The following PPIF variants were observed in gnomAD, a reference collection of about 807,000 sequenced individuals.
PPIF encodes the protein peptidylprolyl isomerase F.
PPIF carries 23 observed loss-of-function variants against 20.2 expected under a neutral mutation model. That is an observed-to-expected ratio of 1.14 (90% CI 0.82 to 1.61). PPIF has a LOEUF of 1.61. Ranked by LOEUF, PPIF falls within the 40% of genes most tolerant of loss-of-function variation. The probability of loss-of-function intolerance (pLI) is 0.00; values close to 1 mark genes in which losing one functional copy is unlikely to be tolerated. For synonymous variants in PPIF, 113 were observed against 123.1 expected (o/e 0.92, Z 0.54); for missense variants, 287 against 291.6 (o/e 0.98, Z 0.11).
In PPIF at chr10:79,351,576, G is replaced by A; in HGVS notation, c.405G>A (p.Val135=). The part of the protein sequence containing the change: ...FPDENFTLKH[V]GPGVLSMANA... ...ACGAGAACTTTACACTGAAGCACGT[G>A]GGGCCAGGTGAGTGGGGGCCTCCTC... Residue 135 remains valine, a synonymous_variant, in exon 4 of 6, where the codon GTG becomes GTA. Coordinates refer to ENST00000225174, the MANE Select transcript of PPIF (RefSeq NM_005729.4). 5 of 1,613,950 alleles carry A rather than the reference G, an allele frequency of 3.1e-6. No individual in the cohort carries two copies. Among genetic ancestry groups the A allele is most frequent in the Non-Finnish European group, 4.2e-6 (5 of 1,179,816 alleles).
rs769878670 is a variant in PPIF, at chr10:79,347,689, C to T, written c.141C>T (p.Leu47=). Residue 47 remains leucine (L), a synonymous_variant, in exon 1 of 6, where the codon CTC becomes CTT. Coordinates refer to ENST00000225174, the MANE Select transcript of PPIF (RefSeq NM_005729.4). ...PSSSSSSGNP[L]VYLDVDANGK... The stretch of plus-strand genomic sequence containing the variant: ...CTTCCTCCTCCTCCGGGAACCCGCT[C>T]GTGTACCTGGACGTGGACGCCAACG... 7 of 1,483,606 alleles carry T rather than the reference C, an allele frequency of 4.7e-6. No individual in the cohort carries two copies. The highest frequency in any genetic ancestry group is 6.3e-6 in the Non-Finnish European group (7 of 1,113,552). 91.9% of individuals were successfully genotyped at this position (1,483,606 alleles called of 1,614,324 possible).
chr10:79,351,535 G>A lies in PPIF; in HGVS notation c.364G>A (p.Gly122Arg), dbSNP rs771871615. 49 of 1,614,082 alleles carry A rather than the reference G, an allele frequency of 3.0e-5. No individual in the cohort carries two copies. Among genetic ancestry groups the A allele is most frequent in the Non-Finnish European group, 3.7e-5 (44 of 1,179,992 alleles). The change falls in exon 4 of 6, where the codon GGA becomes AGA. Residue 122 changes from glycine (G) to arginine (R), a missense_variant. Physicochemically the swap from Gly to Arg is moderately radical, Grantham distance 125. Coordinates refer to ENST00000225174, the MANE Select transcript of PPIF (RefSeq NM_005729.4). ...TGGCACAGGCGGGAAGTCCATCTACGGAAGCCGCTTTCCTGACGAGAACTT... is the reference window on the plus strand; with the variant it reads ...TGGCACAGGCGGGAAGTCCATCTACAGAAGCCGCTTTCCTGACGAGAACTT... ...HNGTGGKSIY[G>R]SRFPDENFTL...
chr10:79,348,980 C>T (rs940904622), intron 1 of PPIF, 96 bp from the exon 2 acceptor site: 8 of 1,611,712 alleles, frequency 5.0e-6, no homozygotes, highest in Non-Finnish European at 5.9e-6. Flanking sequence ...CCTTAGCCTC[C>T]TTGGCCACTG....
intron 4 of PPIF, 55 bp from the exon 5 acceptor site, chr10:79,352,262 C>T: frequency 6.5e-7 from 1 of 1,529,984 alleles, no homozygotes. Flanking sequence ...TTCAAATGCC[C>T]TCCCAGGCAG....
chr10:79,354,680 CACCTTAAATGTGAAA>C lies in PPIF; in HGVS notation c.*840_*854del, dbSNP rs1856026411. The stretch of plus-strand genomic sequence containing the variant: ...CATTTCTGGAACATGGATTTGTGTT[CACCTTAAATGTGAAA>C]ATAAATCCTATTTTCTATGGAAGAC... On this transcript the variant is annotated 3_prime_UTR_variant, in exon 6 of 6. Coordinates refer to ENST00000225174, the MANE Select transcript of PPIF (RefSeq NM_005729.4). 1 of 152,746 alleles carries C rather than the reference CACCTTAAATGTGAAA, an allele frequency of 6.5e-6. No homozygotes were observed. Among genetic ancestry groups the C allele is most frequent in the Non-Finnish European group, 1.5e-5 (1 of 68,054 alleles). 9.5% of individuals were successfully genotyped at this position (152,746 alleles called of 1,614,324 possible). A position where few individuals can be genotyped will look rare whatever the true frequency, so the allele number is the denominator to read the frequency against.
intron 1 of PPIF, among the ~76,000 whole-genome samples, chr10:79,347,968 A>G (rs1855922865): frequency 6.6e-6 from 1 of 151,796 alleles, no homozygotes; most frequent in South Asian, 2.1e-4. Flanking sequence ...CGTGTGGAGG[A>G]GAAAGCTCAA....
rs1385264608 is a variant in PPIF, at chr10:79,354,041, G to A, written c.*199G>A. The A allele has an allele frequency of 2.8e-5, 17 of 602,704 alleles. No individual in the cohort carries two copies. Among genetic ancestry groups the A allele is most frequent in the Non-Finnish European group, 4.3e-5 (15 of 345,936 alleles). 37.3% of individuals were successfully genotyped at this position (602,704 alleles called of 1,614,324 possible). ...CTTCCTAATACCCACCCTTCCTCAC[G>A]ACCTCATTTCTGGGCATCTTTGTGG... On this transcript the variant is annotated 3_prime_UTR_variant, in exon 6 of 6. Coordinates refer to ENST00000225174, the MANE Select transcript of PPIF (RefSeq NM_005729.4).
At chr10:79,353,667 G>A (rs1368478252) in intron 5 of PPIF, 40 bp from the exon 6 acceptor site, 1 of 1,614,164 alleles carries the variant, frequency 6.2e-7, no homozygotes. Context: ...GGATGACATT[G>A]CGCTACACTG....
At chr10:79,349,774 G>T (rs770515692) in intron 3 of PPIF, 21 bp downstream of exon 3, 4 of 1,613,596 alleles carry the variant, frequency 2.5e-6, no homozygotes, top group Admixed American at 3.3e-5. Context: ...TTCCTCTTCT[G>T]TAAGGGGGGA....
chr10:79,353,778 T>C lies in PPIF; in HGVS notation c.560T>C (p.Phe187Ser). ...GMDVVKKIES[F>S]GSKSGRTSKK... ...GACGTCGTGAAGAAAATAGAATCTTTCGGCTCTAAGAGTGGGAGGACATCC... is the reference window on the plus strand; with the variant it reads ...GACGTCGTGAAGAAAATAGAATCTTCCGGCTCTAAGAGTGGGAGGACATCC... Residue 187 changes from phenylalanine to serine, a missense_variant, in exon 6 of 6, where the codon TTC becomes TCC. Physicochemically the swap from Phe to Ser is radical, Grantham distance 155. Coordinates refer to ENST00000225174, the MANE Select transcript of PPIF (RefSeq NM_005729.4). 1 of 1,614,238 alleles carries C rather than the reference T, an allele frequency of 6.2e-7. No homozygotes were observed. The highest frequency in any genetic ancestry group is 8.5e-7 in the Non-Finnish European group (1 of 1,180,044).
At chr10:79,349,847 A>G in intron 3 of PPIF, 94 bp downstream of exon 3, 1 of 1,567,476 alleles carries the variant, frequency 6.4e-7, no homozygotes, top group Non-Finnish European at 8.7e-7. Context: ...TGCTGAGCAG[A>G]GCAGCTGCAG....
At chr10:79,349,443 A>G (rs1042204206) in intron 2 of PPIF, among the ~76,000 whole-genome samples, 13 of 152,350 alleles carry the variant, frequency 8.5e-5, no homozygotes, top group East Asian at 5.8e-4. Context: ...CAGCACAGCC[A>G]TGAGCCTGTA....
At position 79,353,869 on chromosome 10, in the gene PPIF, G is replaced by A; in HGVS notation, c.*27G>A. ...CTGTGGCCAGGGTGCTGGCATGGTG[G>A]CAGCTGCAAATGTCCATGCACCCAG... On this transcript the variant is annotated 3_prime_UTR_variant, in exon 6 of 6. Transcript: ENST00000225174. 1 of 1,610,578 alleles carries A rather than the reference G, an allele frequency of 6.2e-7. No individual in the cohort carries two copies. Among genetic ancestry groups the A allele is most frequent in the Non-Finnish European group, 8.5e-7 (1 of 1,177,662 alleles).
intron 5 of PPIF, chr10:79,353,506 T>C: frequency 1.2e-6 from 1 of 816,848 alleles, no homozygotes; most frequent in South Asian, 1.8e-5. Flanking sequence ...AGTGACAGAA[T>C]GTGTCCTGGA....
chr10:79,347,752 G>T lies in PPIF; in HGVS notation c.195+9G>T. 3 of 1,325,664 alleles carry T rather than the reference G, an allele frequency of 2.3e-6. No individual in the cohort carries two copies. The highest frequency in any genetic ancestry group is 2.9e-6 in the Non-Finnish European group (3 of 1,029,932). The allele number at this position is 1,325,664 out of a possible 1,614,324, so 82.1% of individuals were successfully genotyped here. On this transcript the variant is annotated intron_variant, in intron 1 of 5. Transcript: ENST00000225174. ...GCCGCGTGGTGCTGGAGGTGAGACC[G>T]CTCGCAGGGCCGGCCTGGGCGCGGG...
At chr10:79,350,074 T>C in intron 3 of PPIF, 1 of 362,186 alleles carries the variant, frequency 2.8e-6, no homozygotes, top group South Asian at 2.7e-5. Flanking sequence ...TCCAGTGGTC[T>C]CTGACCTTGT....
At chr10:79,349,967 G>GC (rs1216455755) in intron 3 of PPIF, 13 of 1,053,562 alleles carry the variant, frequency 1.2e-5, no homozygotes, top group African/African-American at 6.4e-5. Flanking sequence ...GGCAGGCCCT[G>GC]CCCGGGGGAC....
rs1291014917 is a variant in PPIF at position 79,349,021 on chromosome 10, C to T, written c.196-55C>T. 29 of 1,613,164 alleles carry T rather than the reference C, an allele frequency of 1.8e-5. No homozygotes were observed. In the East Asian group the frequency reaches 6.5e-4, roughly 36 times the overall value. The stretch of plus-strand genomic sequence containing the variant: ...GTGGGTGGGTGCTGAGAGACACCCA[C>T]CTTCACCTGCCTCTCCAATGACCAT... On this transcript the variant is annotated intron_variant, in intron 1 of 5. Transcript: ENST00000225174.
In PPIF at chr10:79,353,825, T is replaced by G; in HGVS notation, c.607T>G (p.Cys203Gly). ...ATCCAAGAAGATTGTCATCACAGAC[T>G]GTGGCCAGTTGAGCTAATCTGTGGC... ...RTSKKIVITDCGQLS is the reference protein window; with the variant it reads ...RTSKKIVITDGGQLS The change falls in exon 6 of 6, where the codon TGT (cysteine) becomes GGT (glycine). Residue 203 changes from cysteine (C) to glycine (G), a missense_variant. By Grantham distance (159) the Cys-to-Gly change is radical. Transcript: ENST00000225174. 4 of 1,613,864 alleles carry G rather than the reference T, an allele frequency of 2.5e-6. No individual in the cohort carries two copies. Among genetic ancestry groups the G allele is most frequent in the Non-Finnish European group, 3.4e-6 (4 of 1,179,758 alleles).
Sources: allele counts gnomAD v4.1 joint callset (sites outside exome capture counted in the v4.1 genomes callset), GRCh38; gene constraint gnomAD v4.1.1; transcripts MANE v1.5; gene names NCBI Gene and HGNC (gene_info 2026-07-23, HGNC 2026-07-21).